Variants in XPO4 observed in about 807,000 individuals in gnomAD.
XPO4 encodes the protein exportin-4.
Under a neutral mutation model 143.0 loss-of-function variants are expected in XPO4, and 39 were observed. That is an observed-to-expected ratio of 0.27 (90% CI 0.21 to 0.36). The LOEUF (loss-of-function observed/expected upper bound fraction) is 0.36, where lower values mean the gene tolerates loss of function less well. XPO4 is among the 10% of genes least tolerant of loss of function. XPO4 has a pLI of 1.00. For missense variants in XPO4, 907 were observed against 1,348.0 expected (o/e 0.67, Z 5.12); for synonymous variants, 439 against 474.0 (o/e 0.93, Z 0.96).
At chr13:20,893,049 T>A (rs886392721) in intron 1 of XPO4, among the ~76,000 whole-genome samples, 1 of 151,892 alleles carries the variant, frequency 6.6e-6, no homozygotes, top group Non-Finnish European at 1.5e-5. Flanking sequence ...GACTAGTATA[T>A]GAGAGGCCCT....
At chr13:20,796,733 T>A in intron 17 of XPO4, 31 bp downstream of exon 17, 1 of 1,528,446 alleles carries the variant, frequency 6.5e-7, no homozygotes, top group Non-Finnish European at 8.8e-7. Context: ...AGAGTTTTAA[T>A]CCTGAGGGGA....
intron 9 of XPO4, among the ~76,000 whole-genome samples, chr13:20,820,420 T>C (rs990728688): frequency 2.6e-5 from 4 of 152,342 alleles, no homozygotes; most frequent in East Asian, 3.9e-4. Flanking sequence ...TTTCTAAATA[T>C]AGGATCAACA....
intron 13 of XPO4, among the ~76,000 whole-genome samples, chr13:20,802,339 T>C (rs1276407741): frequency 6.6e-6 from 1 of 152,180 alleles, no homozygotes; most frequent in Non-Finnish European, 1.5e-5. Context: ...ATTACAGGCA[T>C]AAACCACCAT....
At chr13:20,864,950 A>C (rs961348392) in intron 2 of XPO4, among the ~76,000 whole-genome samples, 4 of 152,094 alleles carry the variant, frequency 2.6e-5, no homozygotes. Flanking sequence ...TCTCATAAAA[A>C]CCATTATTAG....
intron 3 of XPO4, among the ~76,000 whole-genome samples, chr13:20,859,425 C>T (rs1396425202): frequency 2.0e-5 from 3 of 152,054 alleles, no homozygotes; most frequent in Non-Finnish European, 4.4e-5. Context: ...ACAGTGAAAC[C>T]CCGTCTCTAC....
intron 6 of XPO4, among the ~76,000 whole-genome samples, chr13:20,838,402 G>A (rs928308659): frequency 6.6e-6 from 1 of 151,756 alleles, no homozygotes; most frequent in East Asian, 2.0e-4. Context: ...GAGGTCAGGA[G>A]ATCAAGACCA....
intron 18 of XPO4, among the ~76,000 whole-genome samples, chr13:20,791,556 A>T (rs1277139151): frequency 6.6e-6 from 1 of 152,222 alleles, no homozygotes; most frequent in Non-Finnish European, 1.5e-5. Context: ...ATGACAAGGG[A>T]AAGGTTAACA....
intron 1 of XPO4, among the ~76,000 whole-genome samples, chr13:20,878,768 G>C (rs980691156): frequency 5.3e-5 from 8 of 152,100 alleles, no homozygotes; most frequent in African/African-American, 1.9e-4. Context: ...TTATATCTGT[G>C]ATATCTTAAT....
At chr13:20,787,144 G>T in intron 21 of XPO4, 87 bp from the exon 22 acceptor site, 1 of 1,123,718 alleles carries the variant, frequency 8.9e-7, no homozygotes. Flanking sequence ...AAGAAGAGAG[G>T]GTTGGTTGTT....
intron 18 of XPO4, among the ~76,000 whole-genome samples, chr13:20,794,945 C>T (rs2059336343): frequency 6.7e-6 from 1 of 149,626 alleles, no homozygotes; most frequent in African/African-American, 2.5e-5. Context: ...AAACCTTCTA[C>T]ACTGTGAAGT....
chr13:20,856,922 G>T, intron 3 of XPO4: 1 of 985,256 alleles, frequency 1.0e-6, no homozygotes, highest in Non-Finnish European at 1.2e-6. Context: ...GTTACTACTG[G>T]TTCACTAGCT....
At position 20,830,054 on chromosome 13, in the gene XPO4, T is replaced by C. The variant is rs78319561; in HGVS notation, c.728-2875A>G. 3.7e-3 allele frequency among the ~76,000 whole-genome samples: 566 copies of C among 152,318 alleles called. 11 individuals carry two copies. The highest frequency in any genetic ancestry group is 0.035 in the East Asian group (179 of 5,188). On this transcript the variant is annotated intron_variant, in intron 6 of 22. Coordinates refer to ENST00000255305, the MANE Select transcript of XPO4 (RefSeq NM_022459.5). ...AAATGGAATTCATTGCAATGGCTCA[T>C]GTAACATCAGATTCAAAATAACCCT... is the stretch of plus-strand genomic sequence containing the variant.
In XPO4 at chr13:20,843,002, T is replaced by C; in HGVS notation, c.620A>G (p.Gln207Arg). Residue 207 changes from glutamine (Q) to arginine (R), a missense_variant, in exon 6 of 23, where the codon CAG (glutamine) becomes CGG (arginine). Transcript: ENST00000255305. ...QIFMLTVEVL[Q>R]EFSRRENLNA... Reference sequence around the variant, plus strand: ...GAGGTTTTCCCGCCTGCTGAACTCCTGCAGAACTTCAACAGTTAACATGAA... The same window carrying C: ...GAGGTTTTCCCGCCTGCTGAACTCCCGCAGAACTTCAACAGTTAACATGAA... 1 of 1,613,264 alleles carries C rather than the reference T, an allele frequency of 6.2e-7. No individual in the cohort carries two copies. The highest frequency in any genetic ancestry group is 8.5e-7 in the Non-Finnish European group (1 of 1,179,408).
intron 3 of XPO4, among the ~76,000 whole-genome samples, chr13:20,860,935 T>C (rs1566613018): frequency 1.3e-5 from 2 of 152,144 alleles, no homozygotes; most frequent in Non-Finnish European, 2.9e-5. Context: ...TTTTTTTTTT[T>C]TGTATGTAAG....
intron 6 of XPO4, among the ~76,000 whole-genome samples, chr13:20,838,511 G>A (rs1052158439): frequency 1.2e-4 from 18 of 150,816 alleles, no homozygotes; most frequent in Non-Finnish European, 2.1e-4. Flanking sequence ...TCAGGAGGCT[G>A]AGGCAGGAGA....
chr13:20,877,597 C>T (rs2060365167), intron 1 of XPO4, among the ~76,000 whole-genome samples: 1 of 152,188 alleles, frequency 6.6e-6, no homozygotes, highest in South Asian at 2.1e-4. Context: ...CTGATGACAT[C>T]CTACAGCCAC....
intron 3 of XPO4, among the ~76,000 whole-genome samples, chr13:20,858,901 T>A (rs543884321): frequency 4.2e-5 from 1 of 23,826 alleles, no homozygotes; most frequent in African/African-American, 1.5e-4. Context: ...AAAATTAAAA[T>A]ATATATATAT....
intron 4 of XPO4, chr13:20,852,848 A>G: frequency 1.0e-6 from 1 of 984,782 alleles, no homozygotes; most frequent in Non-Finnish European, 1.2e-6. Flanking sequence ...TGTGTAACAG[A>G]AAATATAAAT....
intron 7 of XPO4, among the ~76,000 whole-genome samples, chr13:20,826,570 T>A (rs1471918969): frequency 6.6e-6 from 1 of 152,250 alleles, no homozygotes; most frequent in East Asian, 1.9e-4. Flanking sequence ...GGTAAGATAA[T>A]CTGACTGTCT....
Sources: gnomAD v4.1 joint callset for allele counts (sites outside exome capture counted in the v4.1 genomes callset) on GRCh38, gnomAD v4.1.1 for gene constraint, MANE v1.5 for transcripts, NCBI Gene and HGNC (gene_info 2026-07-23, HGNC 2026-07-21) for gene names.